The following IL1RAPL1 variants were observed in gnomAD, a reference collection of about 807,000 sequenced individuals.
IL1RAPL1 encodes the protein interleukin 1 receptor accessory protein like 1.
A neutral mutation model predicts 48.4 loss-of-function variants in IL1RAPL1; 3 were observed. The ratio of observed to expected loss-of-function variants is 0.06; its 90% CI spans 0.03 to 0.16. IL1RAPL1 has a LOEUF of 0.16. IL1RAPL1 is among the 10% of genes least tolerant of loss of function. The pLI is 1.00. For synonymous variants in IL1RAPL1, 185 were observed against 187.7 expected, an observed-to-expected ratio of 0.99 and a Z score of 0.12; for missense variants, 349 against 530.6, an observed-to-expected ratio of 0.66 and a Z score of 3.36.
In IL1RAPL1 at chrX:28,615,846, CT is replaced by C. The variant is rs1478474931; in HGVS notation, c.-25+27801del. On this transcript the variant is annotated intron_variant, in intron 1 of 10. Coordinates refer to ENST00000378993, the MANE Select transcript of IL1RAPL1 (RefSeq NM_014271.4). ...ATGGAGAGTCACACAAACATCACCT[CT>C]TAGTAATAGAAACTTGACTGGGAGA... Among the ~76,000 whole-genome samples the C allele has an allele frequency of 3.6e-5, 4 of 112,069 alleles. No homozygotes were observed. In the East Asian group the frequency reaches 8.4e-4, roughly 23 times the overall value.
At chrX:29,414,831 G>A (rs1022642177) in intron 5 of IL1RAPL1, among the ~76,000 whole-genome samples, 1 of 111,395 alleles carries the variant, frequency 9.0e-6, no homozygotes, top group African/African-American at 3.3e-5. Flanking sequence ...ACTGCTTTTA[G>A]TTTTGACATC....
chrX:29,435,880 T>C (rs774873644), intron 5 of IL1RAPL1, among the ~76,000 whole-genome samples: 14 of 110,759 alleles, frequency 1.3e-4, no homozygotes, highest in Non-Finnish European at 1.7e-4. Flanking sequence ...AATGGAATGG[T>C]CACTTTTTCT....
intron 2 of IL1RAPL1, among the ~76,000 whole-genome samples, chrX:28,794,598 A>G (rs1270584747): frequency 8.9e-6 from 1 of 111,821 alleles, no homozygotes; most frequent in Non-Finnish European, 1.9e-5. Flanking sequence ...TAAAAGGGTT[A>G]CCAAAAGGAG....
intron 2 of IL1RAPL1, among the ~76,000 whole-genome samples, chrX:28,813,900 ATCTT>A (rs1181873587): frequency 4.5e-5 from 5 of 110,787 alleles, no homozygotes; most frequent in Non-Finnish European, 9.5e-5. Flanking sequence ...GTAGTTTCTG[ATCTT>A]TCTGTTTTGC....
chrX:29,628,256 A>G (rs1466831623), intron 5 of IL1RAPL1, among the ~76,000 whole-genome samples: 3 of 112,080 alleles, frequency 2.7e-5, no homozygotes, highest in Admixed American at 9.5e-5. Flanking sequence ...AGTTTCCTGG[A>G]TATCATTGTT....
At chrX:29,407,450 C>G (rs759103273) in intron 5 of IL1RAPL1, among the ~76,000 whole-genome samples, 4 of 112,068 alleles carry the variant, frequency 3.6e-5, no homozygotes, top group Non-Finnish European at 7.5e-5. Flanking sequence ...GTATGTTATT[C>G]CATTCATCTG....
intron 5 of IL1RAPL1, among the ~76,000 whole-genome samples, chrX:29,415,945 C>T (rs1934210037): frequency 8.9e-6 from 1 of 112,032 alleles, no homozygotes; most frequent in African/African-American, 3.2e-5. Context: ...AATTGAGTCA[C>T]TGCAATAGCA....
At chrX:29,148,618 C>T (rs1569246459) in intron 2 of IL1RAPL1, among the ~76,000 whole-genome samples, 3 of 111,983 alleles carry the variant, frequency 2.7e-5, no homozygotes, top group East Asian at 5.6e-4. Context: ...AACACTTTTA[C>T]TCTCTTAGCA....
intron 6 of IL1RAPL1, among the ~76,000 whole-genome samples, chrX:29,785,020 T>A (rs900249906): frequency 3.6e-5 from 4 of 112,438 alleles, no homozygotes; most frequent in Non-Finnish European, 5.6e-5. Context: ...ATACACAGGA[T>A]AATAAGTTCC....
intron 2 of IL1RAPL1, among the ~76,000 whole-genome samples, chrX:29,279,750 A>T (rs1047436370): frequency 8.9e-6 from 1 of 112,041 alleles, no homozygotes; most frequent in African/African-American, 3.2e-5. Context: ...GAATAAGAGT[A>T]ATTTTCAGGA....
At chrX:28,946,710 G>A (rs1924314799) in intron 2 of IL1RAPL1, among the ~76,000 whole-genome samples, 1 of 111,086 alleles carries the variant, frequency 9.0e-6, no homozygotes, top group Non-Finnish European at 1.9e-5. Flanking sequence ...ATAAAAATGA[G>A]TAAGACAGGG....
At chrX:29,286,044 G>A (rs1192201971) in intron 3 of IL1RAPL1, among the ~76,000 whole-genome samples, 1 of 111,851 alleles carries the variant, frequency 8.9e-6, no homozygotes, top group Non-Finnish European at 1.9e-5. Context: ...AATATTCTGA[G>A]TATTAACTTG....
chrX:29,540,065 A>G (rs911071873), intron 5 of IL1RAPL1, among the ~76,000 whole-genome samples: 1 of 111,903 alleles, frequency 8.9e-6, no homozygotes, highest in Non-Finnish European at 1.9e-5. Flanking sequence ...CCTGGAACTG[A>G]TTGACTTCAA....
intron 6 of IL1RAPL1, among the ~76,000 whole-genome samples, chrX:29,867,850 T>C (rs1931725626): frequency 8.9e-6 from 1 of 112,078 alleles, no homozygotes; most frequent in South Asian, 3.7e-4. Context: ...AATAGAATCA[T>C]TCATACAATT....
chrX:29,076,442 G>T (rs1003539896), intron 2 of IL1RAPL1, among the ~76,000 whole-genome samples: 2 of 111,709 alleles, frequency 1.8e-5, no homozygotes, highest in African/African-American at 6.5e-5. Context: ...TTCTACTGGG[G>T]TGCATTGTAC....
At chrX:28,714,040 G>A (rs1039234136) in intron 1 of IL1RAPL1, among the ~76,000 whole-genome samples, 1 of 111,612 alleles carries the variant, frequency 9.0e-6, no homozygotes, top group South Asian at 3.7e-4. Flanking sequence ...AAGTAAATAG[G>A]TCAATGTTAT....
At chrX:29,830,759 A>G (rs749979622) in intron 6 of IL1RAPL1, among the ~76,000 whole-genome samples, 1 of 110,887 alleles carries the variant, frequency 9.0e-6, no homozygotes, top group East Asian at 2.8e-4. Flanking sequence ...GGCCTCTCAG[A>G]CTCTTTAAAA....
chrX:29,381,525 A>AAAAAAAAAAAAAC (rs1569298983), intron 3 of IL1RAPL1, among the ~76,000 whole-genome samples: 12 of 95,912 alleles, frequency 1.3e-4, no homozygotes, highest in Non-Finnish European at 2.5e-4. Flanking sequence ...AAAAAAAAAA[A>AAAAAAAAAAAAAC]AAAACTTAGC....
rs190581615 is a variant in IL1RAPL1 at position 28,851,884 on chromosome X, G to A, written c.82+62459G>A. Among the ~76,000 whole-genome samples the A allele has an allele frequency of 2.4e-3, 269 of 112,347 alleles. 2 individuals carry two copies. The highest frequency in any genetic ancestry group is 8.2e-3 in the African/African-American group (255 of 30,955). The stretch of plus-strand genomic sequence containing the variant: ...TTGCTTGATTTCTCAGACAGAATCT[G>A]GGGATAGCTGAGCAATCATATCTCA... On this transcript the variant is annotated intron_variant, in intron 2 of 10. Coordinates refer to ENST00000378993, the MANE Select transcript of IL1RAPL1 (RefSeq NM_014271.4).
Sources: gnomAD v4.1 joint callset for allele counts (sites outside exome capture counted in the v4.1 genomes callset) on GRCh38, gnomAD v4.1.1 for gene constraint, MANE v1.5 for transcripts, NCBI Gene and HGNC (gene_info 2026-07-23, HGNC 2026-07-21) for gene names.